The following TTC28 variants were observed in gnomAD, a reference collection of about 807,000 sequenced individuals.
TTC28 encodes the protein tetratricopeptide repeat protein 28.
A neutral mutation model predicts 198.0 loss-of-function variants in TTC28; 61 were observed. The ratio of observed to expected loss-of-function variants is 0.31; its 90% CI spans 0.25 to 0.38. The LOEUF is 0.38. Ranked by LOEUF, TTC28 falls within the 10% of genes least tolerant of loss-of-function variation. The pLI is 1.00. For missense variants in TTC28, 2,678 were observed against 3,164.0 expected, an observed-to-expected ratio of 0.85 and a Z score of 3.69; for synonymous variants, 1,171 against 1,297.8, an observed-to-expected ratio of 0.90 and a Z score of 2.10.
chr22:28,167,091 C>G (rs942684400), intron 5 of TTC28, among the ~76,000 whole-genome samples: 7 of 152,082 alleles, frequency 4.6e-5, no homozygotes, highest in East Asian at 3.9e-4. Context: ...ATAAATTCCT[C>G]GACACATACA....
intron 2 of TTC28, among the ~76,000 whole-genome samples, chr22:28,623,668 T>C (rs1450417805): frequency 6.6e-6 from 1 of 152,024 alleles, no homozygotes; most frequent in Admixed American, 6.6e-5. Context: ...CCTCAGAAAA[T>C]TTAAAAGCAT....
intron 6 of TTC28, among the ~76,000 whole-genome samples, chr22:28,162,132 G>A (rs1425821809): frequency 6.6e-6 from 1 of 152,008 alleles, no homozygotes. Context: ...TTGAATACAG[G>A]GATAAGATAA....
intron 21 of TTC28, among the ~76,000 whole-genome samples, chr22:27,989,348 CTAATTT>C (rs1234567893): frequency 6.6e-6 from 1 of 152,184 alleles, no homozygotes; most frequent in Admixed American, 6.5e-5. Context: ...TCTTATGACT[CTAATTT>C]TAGTTTTCTT....
chr22:28,574,353 T>G (rs1013166967), intron 2 of TTC28, among the ~76,000 whole-genome samples: 2 of 148,632 alleles, frequency 1.3e-5, no homozygotes, highest in African/African-American at 2.5e-5. Flanking sequence ...ACTCCACTGT[T>G]TGTGTGTGTG....
intron 6 of TTC28, among the ~76,000 whole-genome samples, chr22:28,156,191 G>T (rs1304986924): frequency 1.3e-5 from 2 of 152,190 alleles, no homozygotes; most frequent in African/African-American, 4.8e-5. Flanking sequence ...AAGGGACTTT[G>T]CAAATTAAGA....
intron 2 of TTC28, among the ~76,000 whole-genome samples, chr22:28,437,138 A>G (rs965183633): frequency 3.9e-5 from 6 of 152,060 alleles, no homozygotes; most frequent in Non-Finnish European, 8.8e-5. Context: ...GCTGGAGTGC[A>G]GTGGCATGAC....
In TTC28 at chr22:27,983,726, C is replaced by T. The variant is rs376130030; in HGVS notation, c.5941G>A (p.Gly1981Ser). 23 of 1,551,350 alleles carry T rather than the reference C, an allele frequency of 1.5e-5. No homozygotes were observed. The highest frequency in any genetic ancestry group is 6.8e-5 in the African/African-American group (5 of 73,004). The change falls in exon 23 of 23, where the codon GGT becomes AGT. Residue 1981 changes from glycine (G) to serine (S), a missense_variant. This residue lies in a region of TTC28 where 622 missense variants were observed against 656.0 expected (regional missense o/e 0.95). Transcript: ENST00000397906. Reference protein sequence around the residue: ...GYQQPPFSPTGADSIASDAIS... With the variant: ...GYQQPPFSPTSADSIASDAIS... ...GCATCTGAGGCGATGCTGTCCGCAC[C>T]GGTGGGAGAGAAGGGGGGTTGCTGG...
At chr22:28,335,213 T>C (rs1457450801) in intron 2 of TTC28, among the ~76,000 whole-genome samples, 3 of 152,210 alleles carry the variant, frequency 2.0e-5, no homozygotes, top group Non-Finnish European at 4.4e-5. Flanking sequence ...CATTGGTCTA[T>C]ATCTCTGTTT....
intron 2 of TTC28, among the ~76,000 whole-genome samples, chr22:28,563,449 C>T (rs1456530221): frequency 6.6e-6 from 1 of 152,104 alleles, no homozygotes; most frequent in Non-Finnish European, 1.5e-5. Flanking sequence ...CAACCATATA[C>T]CTGTGTGAGT....
chr22:28,575,291 A>G (rs1292474364), intron 2 of TTC28, among the ~76,000 whole-genome samples: 3 of 152,102 alleles, frequency 2.0e-5, no homozygotes, highest in Admixed American at 2.0e-4. Context: ...CTTTTTCCCC[A>G]ATGTATGTTC....
intron 2 of TTC28, among the ~76,000 whole-genome samples, chr22:28,574,004 G>A (rs1051359493): frequency 2.6e-5 from 4 of 151,958 alleles, no homozygotes; most frequent in African/African-American, 4.8e-5. Context: ...TCCTATTCAC[G>A]TTGTTGCAAA....
At chr22:28,235,220 G>GT (rs134181) in intron 5 of TTC28, among the ~76,000 whole-genome samples, 117,980 of 152,078 alleles carry the variant, frequency 0.78, 45,958 homozygotes, top group South Asian at 0.85. Flanking sequence ...TTATTGTTTT[G>GT]TTTTTTATTC....
chr22:28,030,292 T>C lies in TTC28; in HGVS notation c.4007A>G (p.Lys1336Arg). The C allele has an allele frequency of 6.4e-7, 1 of 1,551,744 alleles. No individual in the cohort carries two copies. Among genetic ancestry groups the C allele is most frequent in the South Asian group, 1.2e-5 (1 of 84,050 alleles). Residue 1336 changes from lysine to arginine, a missense_variant, in exon 13 of 23, where the codon AAA becomes AGA. Coordinates refer to ENST00000397906, the MANE Select transcript of TTC28 (RefSeq NM_001145418.2). ...MDQQFEEMNN[K>R]LNSVTDPTGF... ...AGTGGGGTCAGTGACCGAGTTGAGT[T>C]TGTTGTTCATCTCTTCAAATTGCTG...
At chr22:28,478,093 G>A (rs948074438) in intron 2 of TTC28, among the ~76,000 whole-genome samples, 4 of 152,136 alleles carry the variant, frequency 2.6e-5, no homozygotes, top group African/African-American at 7.2e-5. Flanking sequence ...GTGTAATTGC[G>A]ACAACAGACA....
intron 2 of TTC28, among the ~76,000 whole-genome samples, chr22:28,468,651 G>A (rs1270220029): frequency 1.3e-5 from 2 of 149,966 alleles, no homozygotes; most frequent in Non-Finnish European, 3.0e-5. Context: ...AGCCTCCAGA[G>A]TAGCTGGGAC....
intron 2 of TTC28, among the ~76,000 whole-genome samples, chr22:28,411,362 C>T (rs911259448): frequency 1.3e-5 from 2 of 152,158 alleles, no homozygotes; most frequent in African/African-American, 4.8e-5. Context: ...ACAGAATAGC[C>T]ATGTTTATCA....
At chr22:28,386,204 G>A (rs1443191233) in intron 2 of TTC28, among the ~76,000 whole-genome samples, 1 of 142,598 alleles carries the variant, frequency 7.0e-6, no homozygotes, top group Non-Finnish European at 1.5e-5. Context: ...GAACCCGGGA[G>A]GCGGAGCTTG....
intron 2 of TTC28, among the ~76,000 whole-genome samples, chr22:28,532,019 C>A (rs2049151408): frequency 6.6e-6 from 1 of 152,106 alleles, no homozygotes; most frequent in South Asian, 2.1e-4. Context: ...CAAGAGCAAA[C>A]ACGTGCAAAA....
At chr22:28,232,925 AC>A (rs1403469826) in intron 5 of TTC28, 5 of 151,940 alleles carry the variant, frequency 3.3e-5, no homozygotes. Flanking sequence ...ACATAGTGAA[AC>A]CCCATCTCTA....
Sources: allele counts gnomAD v4.1 joint callset (sites outside exome capture counted in the v4.1 genomes callset), GRCh38; gene constraint gnomAD v4.1.1; regional missense constraint gnomAD v4.1.1; transcripts MANE v1.5; gene names NCBI Gene and HGNC (gene_info 2026-07-23, HGNC 2026-07-21).